UNC13C: variants seen among roughly 807,000 people sequenced by gnomAD.
UNC13C encodes the protein protein unc-13 homolog C.
A neutral mutation model predicts 245.4 loss-of-function variants in UNC13C; 174 were observed. That is an observed-to-expected ratio of 0.71 (90% CI 0.63 to 0.80). The LOEUF (loss-of-function observed/expected upper bound fraction) is 0.80. UNC13C is among the 30% of genes least tolerant of loss of function. UNC13C has a pLI of 0.00. For missense variants in UNC13C, 2,829 were observed against 2,602.9 expected (o/e 1.09, Z -1.89); for synonymous variants, 992 against 895.1 (o/e 1.11, Z -1.93).
intron 10 of UNC13C, among the ~76,000 whole-genome samples, chr15:54,274,010 G>T (rs773787545): frequency 7.2e-5 from 11 of 152,066 alleles, no homozygotes; most frequent in Admixed American, 2.0e-4. Flanking sequence ...TAAGTGTGAG[G>T]TACTCTCCAC....
At chr15:53,857,724 G>A in the UNC13C span, among the ~76,000 whole-genome samples, 2 of 152,146 alleles carry the variant, frequency 1.3e-5, no homozygotes, top group African/African-American at 4.8e-5. Flanking sequence ...AGAAAATTAT[G>A]CAGAGAAAAG....
chr15:54,452,098 G>A lies in UNC13C; in HGVS notation c.4933+37031G>A, dbSNP rs537793123. On this transcript the variant is annotated intron_variant, in intron 19 of 32. Transcript: ENST00000260323. The stretch of plus-strand genomic sequence containing the variant: ...TGTGATTCTTAGTGGAGACTGTGGC[G>A]AAGCTTTGCTTAGGATGGAGGCATC... Among the ~76,000 whole-genome samples, 6 of 152,306 alleles carry A rather than the reference G, an allele frequency of 3.9e-5. No individual in the cohort carries two copies. The South Asian group carries it at 6.2e-4, about 16-fold the overall frequency.
chr15:53,922,433 C>T, the UNC13C span, among the ~76,000 whole-genome samples: 141,868 of 152,310 alleles, frequency 0.93, 66,318 homozygotes, highest in Middle Eastern at 0.98. Flanking sequence ...AATGAAGAAA[C>T]GGAAGCCAAT....
At chr15:54,118,751 C>T (rs1304061799) in intron 2 of UNC13C, among the ~76,000 whole-genome samples, 1 of 151,970 alleles carries the variant, frequency 6.6e-6, no homozygotes, top group Non-Finnish European at 1.5e-5. Flanking sequence ...TAATTTTTCC[C>T]TGTTCTGTAT....
chr15:54,554,207 G>A (rs981901507), intron 28 of UNC13C, among the ~76,000 whole-genome samples: 4 of 151,864 alleles, frequency 2.6e-5, no homozygotes, highest in Non-Finnish European at 4.4e-5. Flanking sequence ...AAATAGACAC[G>A]GAAAAGCTGA....
At chr15:54,111,689 A>G (rs1006254730) in intron 2 of UNC13C, among the ~76,000 whole-genome samples, 2 of 152,336 alleles carry the variant, frequency 1.3e-5, no homozygotes, top group South Asian at 4.1e-4. Context: ...ATGGGAATCA[A>G]CAGGAGAGGT....
chr15:54,209,598 G>A (rs1236249682), intron 4 of UNC13C, among the ~76,000 whole-genome samples: 3 of 151,930 alleles, frequency 2.0e-5, no homozygotes, highest in Non-Finnish European at 4.4e-5. Flanking sequence ...TTTTTTTGTA[G>A]AGACAGGATT....
intron 17 of UNC13C, among the ~76,000 whole-genome samples, chr15:54,371,012 G>C (rs977856241): frequency 6.6e-6 from 1 of 152,022 alleles, no homozygotes; most frequent in Non-Finnish European, 1.5e-5. Flanking sequence ...TATGATTTTT[G>C]TTGTGAGATT....
chr15:54,344,655 G>A (rs2038818790), intron 17 of UNC13C, among the ~76,000 whole-genome samples: 1 of 152,174 alleles, frequency 6.6e-6, no homozygotes. Flanking sequence ...TACTTCATAT[G>A]ATTAAGGCTT....
intron 4 of UNC13C, among the ~76,000 whole-genome samples, chr15:54,172,729 T>G (rs1362479658): frequency 5.2e-5 from 3 of 58,054 alleles, no homozygotes; most frequent in South Asian, 4.5e-4. Context: ...TATATATATA[T>G]ATATATATAT....
intron 28 of UNC13C, among the ~76,000 whole-genome samples, chr15:54,552,689 A>C (rs1295879424): frequency 7.0e-5 from 6 of 85,214 alleles, no homozygotes; most frequent in Non-Finnish European, 1.0e-4. Flanking sequence ...TAATTATATA[A>C]TTATATATTA....
chr15:54,436,538 T>G (rs1482671239), intron 19 of UNC13C, among the ~76,000 whole-genome samples: 1 of 151,982 alleles, frequency 6.6e-6, no homozygotes, highest in African/African-American at 2.4e-5. Context: ...CTGGAAACCA[T>G]CATTCTCAGC....
intron 19 of UNC13C, among the ~76,000 whole-genome samples, chr15:54,473,719 CT>C (rs536004237): frequency 6.6e-6 from 1 of 151,308 alleles, no homozygotes; most frequent in Non-Finnish European, 1.5e-5. Context: ...CACCTCTTCT[CT>C]TTTTTCTTTT....
In UNC13C at chr15:54,296,188, A is replaced by AATTTTT. The variant is rs200842130; in HGVS notation, c.3989-1612_3989-1607dup. The stretch of plus-strand genomic sequence containing the variant: ...TGCATTTCTCTTGGCCCCAGCAGAG[A>AATTTTT]ATTTTTATTTTTATTTATTTATTTA... On this transcript the variant is annotated intron_variant, in intron 11 of 32. Coordinates refer to ENST00000260323, the MANE Select transcript of UNC13C (RefSeq NM_001080534.3). Among the ~76,000 whole-genome samples the AATTTTT allele has an allele frequency of 5.2e-3, 787 of 151,602 alleles. 6 individuals are homozygous for AATTTTT. The highest frequency in any genetic ancestry group is 0.018 in the African/African-American group (747 of 41,148).
In UNC13C at chr15:54,065,715, G is replaced by A. The variant is rs16974012; in HGVS notation, c.2983+49829G>A. Among the ~76,000 whole-genome samples, 375 of 152,288 alleles carry A rather than the reference G, an allele frequency of 2.5e-3. 1 individual carries two copies. The highest frequency in any genetic ancestry group is 8.4e-3 in the African/African-American group (347 of 41,554). Reference sequence around the variant, plus strand: ...ACCTCACAAGAACTTTTGGGGTCCAGTCCGTTCCATTGGCAAGAGCTAGTT... The same window carrying A: ...ACCTCACAAGAACTTTTGGGGTCCAATCCGTTCCATTGGCAAGAGCTAGTT... On this transcript the variant is annotated intron_variant, in intron 2 of 32. Transcript: ENST00000260323.
At chr15:54,318,924 T>G (rs1306547104) in intron 13 of UNC13C, among the ~76,000 whole-genome samples, 2 of 151,974 alleles carry the variant, frequency 1.3e-5, no homozygotes, top group East Asian at 3.9e-4. Context: ...CTATTTATGC[T>G]TGAAGTAACC....
At chr15:54,515,365 G>T (rs1894924441) in intron 24 of UNC13C, among the ~76,000 whole-genome samples, 1 of 152,102 alleles carries the variant, frequency 6.6e-6, no homozygotes, top group East Asian at 1.9e-4. Context: ...ATTGGTGAGT[G>T]ATTACGTTAG....
At chr15:53,878,456 T>C in the UNC13C span, among the ~76,000 whole-genome samples, 2 of 152,172 alleles carry the variant, frequency 1.3e-5, no homozygotes, top group African/African-American at 4.8e-5. Context: ...TCCTCAAAAT[T>C]CTAATTTTGT....
At chr15:54,080,315 C>T (rs1194251212) in intron 2 of UNC13C, among the ~76,000 whole-genome samples, 2 of 151,910 alleles carry the variant, frequency 1.3e-5, no homozygotes, top group Non-Finnish European at 2.9e-5. Flanking sequence ...ATTTTGGTAT[C>T]AGGATGATAC....
Sources: gnomAD v4.1 joint callset for allele counts (sites outside exome capture counted in the v4.1 genomes callset) on GRCh38, gnomAD v4.1.1 for gene constraint, MANE v1.5 for transcripts, NCBI Gene and HGNC (gene_info 2026-07-23, HGNC 2026-07-21) for gene names.